GPHN: variants seen among roughly 807,000 people sequenced by gnomAD.
The protein encoded by GPHN is gephyrin.
GPHN carries 17 observed loss-of-function variants against 95.5 expected under a neutral mutation model. The ratio of observed to expected loss-of-function variants is 0.18; its 90% CI spans 0.12 to 0.27. GPHN has a LOEUF of 0.27. Among genes scored for constraint, GPHN ranks in the 10% least tolerant of loss-of-function variants. GPHN has a pLI of 1.00. For missense variants in GPHN, 660 were observed against 978.1 expected, an observed-to-expected ratio of 0.67 and a Z score of 4.34; for synonymous variants, 320 against 322.5, an observed-to-expected ratio of 0.99 and a Z score of 0.08.
At chr14:67,280,848 C>T in the GPHN span, among the ~76,000 whole-genome samples, 9 of 128,620 alleles carry the variant, frequency 7.0e-5, no homozygotes, top group African/African-American at 2.7e-4. Flanking sequence ...TCCTTCCTTC[C>T]TTCCTTCCCT....
chr14:67,581,396 G>A, the GPHN span, among the ~76,000 whole-genome samples: 1 of 152,068 alleles, frequency 6.6e-6, no homozygotes, highest in African/African-American at 2.4e-5. Context: ...ATGGTGGCAT[G>A]TACCTGTAGT....
At chr14:67,336,790 A>G in the GPHN span, 1 of 455,820 alleles carries the variant, frequency 2.2e-6, no homozygotes, top group Non-Finnish European at 4.4e-6. Flanking sequence ...AGTACTTGTG[A>G]ACTGAGTTGT....
At chr14:66,511,451 A>G (rs1462061869) in intron 1 of GPHN, among the ~76,000 whole-genome samples, 2 of 152,082 alleles carry the variant, frequency 1.3e-5, no homozygotes, top group Non-Finnish European at 2.9e-5. Context: ...ATCTATATCT[A>G]TTTTACAAAG....
chr14:66,940,403 G>A (rs1308373174), intron 8 of GPHN, among the ~76,000 whole-genome samples: 3 of 152,138 alleles, frequency 2.0e-5, no homozygotes, highest in Non-Finnish European at 4.4e-5. Flanking sequence ...GTATGTGAGG[G>A]AGGGAAAGTG....
chr14:67,215,354 C>G, the GPHN span, among the ~76,000 whole-genome samples: 4 of 151,220 alleles, frequency 2.6e-5, no homozygotes. Flanking sequence ...CTACTTTTAC[C>G]GAGGGCACAG....
At chr14:67,521,428 G>A in the GPHN span, among the ~76,000 whole-genome samples, 1 of 152,232 alleles carries the variant, frequency 6.6e-6, no homozygotes, top group South Asian at 2.1e-4. Flanking sequence ...ATCAAGTCCT[G>A]TGGGTTTATC....
chr14:66,596,861 C>T (rs1429098839), intron 1 of GPHN, among the ~76,000 whole-genome samples: 1 of 152,210 alleles, frequency 6.6e-6, no homozygotes, highest in East Asian at 1.9e-4. Context: ...TTGGTTCCTG[C>T]TGGCTCCGTG....
At chr14:66,962,924 TA>T (rs2069056384) in intron 8 of GPHN, among the ~76,000 whole-genome samples, 1 of 151,952 alleles carries the variant, frequency 6.6e-6, no homozygotes. Context: ...TAAGCCAGCA[TA>T]ATAGGTATAA....
intron 2 of GPHN, among the ~76,000 whole-genome samples, chr14:66,768,569 G>A (rs935966826): frequency 1.4e-4 from 22 of 151,786 alleles, no homozygotes; most frequent in African/African-American, 5.3e-4. Flanking sequence ...CAATCCATTA[G>A]GCATACATGA....
intron 1 of GPHN, among the ~76,000 whole-genome samples, chr14:66,665,459 C>T (rs2065897405): frequency 6.6e-6 from 1 of 152,136 alleles, no homozygotes; most frequent in Non-Finnish European, 1.5e-5. Context: ...AGACACTTCT[C>T]AAAAGAAGAC....
the GPHN span, among the ~76,000 whole-genome samples, chr14:67,268,097 T>G: frequency 6.6e-6 from 1 of 152,216 alleles, no homozygotes; most frequent in Non-Finnish European, 1.5e-5. Context: ...TTCTCTTGTG[T>G]GGAATGTCTC....
the GPHN span, among the ~76,000 whole-genome samples, chr14:67,257,283 TC>T: frequency 1.4e-4 from 21 of 152,130 alleles, no homozygotes; most frequent in African/African-American, 5.1e-4. Flanking sequence ...CAGGTGAACC[TC>T]AGAGGGGTGA....
At chr14:67,574,323 C>T in the GPHN span, 7 of 1,604,826 alleles carry the variant, frequency 4.4e-6, no homozygotes, top group South Asian at 6.7e-5. This position sits in a 1 kb window ranked among gnomAD's most constrained non-coding sequence, Gnocchi z 4.2. Flanking sequence ...ACTCCAGAGC[C>T]TGCTGAAGGT....
At chr14:66,616,389 G>C (rs1331852773) in intron 1 of GPHN, among the ~76,000 whole-genome samples, 1 of 148,932 alleles carries the variant, frequency 6.7e-6, no homozygotes, top group Non-Finnish European at 1.5e-5. Context: ...CCCATGGATG[G>C]GTCAGCTGTT....
chr14:66,560,708 C>A (rs533120394), intron 1 of GPHN, among the ~76,000 whole-genome samples: 1 of 152,316 alleles, frequency 6.6e-6, no homozygotes, highest in Non-Finnish European at 1.5e-5. Flanking sequence ...TTGACTTCCT[C>A]TTTTCCTAAT....
the GPHN span, among the ~76,000 whole-genome samples, chr14:67,669,584 A>C: frequency 1.3e-5 from 2 of 152,168 alleles, no homozygotes; most frequent in African/African-American, 4.8e-5. Context: ...GTTATTTTTA[A>C]TGGCAGAAGA....
intron 1 of GPHN, among the ~76,000 whole-genome samples, chr14:66,616,292 A>C (rs1347258117): frequency 6.8e-6 from 1 of 147,996 alleles, no homozygotes; most frequent in East Asian, 2.0e-4. Context: ...TACTTCGGGC[A>C]GTCTGTCCTT....
At chr14:67,473,481 G>T in the GPHN span, 1 of 1,614,240 alleles carries the variant, frequency 6.2e-7, no homozygotes, top group South Asian at 1.1e-5. The surrounding 1 kb of genome is among the most constrained non-coding windows in gnomAD (Gnocchi z 6.5). Flanking sequence ...CCCGGGCTCA[G>T]CGTCCTTGTC....
the GPHN span, among the ~76,000 whole-genome samples, chr14:67,621,550 G>A: frequency 0.034 from 5,097 of 151,632 alleles, 248 homozygotes; most frequent in African/African-American, 0.11. Flanking sequence ...CCACCTTCTG[G>A]GTTCAAGCAA....
Sources: allele counts gnomAD v4.1 joint callset (sites outside exome capture counted in the v4.1 genomes callset), GRCh38; gene constraint gnomAD v4.1.1; non-coding constraint Gnocchi (gnomAD v3.1); transcripts MANE v1.5; gene names NCBI Gene and HGNC (gene_info 2026-07-23, HGNC 2026-07-21).